CFDP1: variants seen among roughly 807,000 people sequenced by gnomAD.
The protein encoded by CFDP1 is chromatin remodeling protein CFDP1.
Under a neutral mutation model 40.1 loss-of-function variants are expected in CFDP1, and 31 were observed. The ratio of observed to expected loss-of-function variants is 0.77; its 90% CI spans 0.58 to 1.04. The LOEUF (loss-of-function observed/expected upper bound fraction) is 1.04, where lower values mean the gene tolerates loss of function less well. Among genes scored for constraint, CFDP1 ranks in the 50% least tolerant of loss-of-function variants. CFDP1 has a pLI of 0.00. For synonymous variants in CFDP1, 167 were observed against 120.0 expected, an observed-to-expected ratio of 1.39 and a Z score of -2.56; for missense variants, 423 against 343.4, an observed-to-expected ratio of 1.23 and a Z score of -1.83.
At chr16:75,393,686 G>A (rs2078971148) in intron 5 of CFDP1, among the ~76,000 whole-genome samples, 1 of 141,376 alleles carries the variant, frequency 7.1e-6, no homozygotes, top group African/African-American at 2.7e-5. Context: ...AGCCGAGATT[G>A]CGCCACTGCA....
chr16:75,410,934 A>G (rs1405975205), intron 4 of CFDP1, among the ~76,000 whole-genome samples: 3 of 150,476 alleles, frequency 2.0e-5, no homozygotes, highest in African/African-American at 7.3e-5. Flanking sequence ...AAAGAAAAAA[A>G]AAGGCCAGGA....
rs1326201318 is a variant in CFDP1 at position 75,411,961 on chromosome 16, A to G, written c.403-9T>C. On this transcript the variant is annotated splice_polypyrimidine_tract_variant and intron_variant, in intron 3 of 6. Transcript: ENST00000283882. ...TCAGTCTCCTCTCCTTTCTATAAAA[A>G]AAACAAGAAATGTAATGTTTCACCA... is the stretch of plus-strand genomic sequence containing the variant. 1.3e-6 allele frequency: 2 copies of G among 1,582,980 alleles called. No individual in the cohort carries two copies. Among genetic ancestry groups the G allele is most frequent in the Non-Finnish European group, 1.7e-6 (2 of 1,172,702 alleles).
At chr16:75,394,054 C>CA (rs1050667415) in intron 5 of CFDP1, among the ~76,000 whole-genome samples, 39 of 147,740 alleles carry the variant, frequency 2.6e-4, no homozygotes, top group East Asian at 5.9e-4. Flanking sequence ...GACTCCACCT[C>CA]AAAAAAAAAA....
chr16:75,297,195 T>TGTGTGTGTGTGTGTGTGTGTGTGTGTG (rs1491320265), intron 6 of CFDP1, among the ~76,000 whole-genome samples: 2 of 150,028 alleles, frequency 1.3e-5, no homozygotes, highest in East Asian at 2.0e-4. Context: ...TGTGTGTGTG[T>TGTGTGTGTGTGTGTGTGTGTGTGTGTG]TTTTAGTAGA....
intron 5 of CFDP1, among the ~76,000 whole-genome samples, chr16:75,307,551 T>C (rs1292058993): frequency 6.6e-6 from 1 of 152,110 alleles, no homozygotes; most frequent in Non-Finnish European, 1.5e-5. Flanking sequence ...ATAATTAAAA[T>C]AAATTTTTAT....
intron 5 of CFDP1, among the ~76,000 whole-genome samples, chr16:75,384,509 G>C (rs947070064): frequency 1.3e-5 from 2 of 152,078 alleles, no homozygotes; most frequent in Non-Finnish European, 2.9e-5. Context: ...CATAATACTG[G>C]CATGACTTCA....
chr16:75,330,466 G>A (rs1168048629), intron 5 of CFDP1, among the ~76,000 whole-genome samples: 1 of 152,194 alleles, frequency 6.6e-6, no homozygotes, highest in Admixed American at 6.5e-5. Context: ...GCGCATGCCT[G>A]TAATCCCAGT....
At chr16:75,405,012 C>A (rs1042636385) in intron 4 of CFDP1, among the ~76,000 whole-genome samples, 1 of 152,144 alleles carries the variant, frequency 6.6e-6, no homozygotes, top group African/African-American at 2.4e-5. Flanking sequence ...TGCAAAACTA[C>A]CTGTTATTGG....
chr16:75,345,450 C>CT (rs1338229929), intron 5 of CFDP1, among the ~76,000 whole-genome samples: 1 of 151,978 alleles, frequency 6.6e-6, no homozygotes, highest in African/African-American at 2.4e-5. Context: ...GAGTGAGACT[C>CT]TGTCTCAAAA....
intron 6 of CFDP1, among the ~76,000 whole-genome samples, chr16:75,298,278 C>T (rs75363348): frequency 0.015 from 2,351 of 152,248 alleles, 56 homozygotes; most frequent in African/African-American, 0.053. Context: ...GATATTCAAC[C>T]TGTATCTGGG....
chr16:75,379,153 A>C (rs1463265330), intron 5 of CFDP1, among the ~76,000 whole-genome samples: 1 of 151,964 alleles, frequency 6.6e-6, no homozygotes. Flanking sequence ...TCAAATCAAT[A>C]ATCTAAGCTC....
At chr16:75,402,521 A>C (rs974970267) in intron 4 of CFDP1, among the ~76,000 whole-genome samples, 5 of 152,222 alleles carry the variant, frequency 3.3e-5, no homozygotes, top group African/African-American at 1.2e-4. Flanking sequence ...ATCAAAGCCC[A>C]AAATTTAACA....
intron 6 of CFDP1, among the ~76,000 whole-genome samples, chr16:75,304,280 C>T (rs1260157713): frequency 6.6e-6 from 1 of 152,112 alleles, no homozygotes; most frequent in Non-Finnish European, 1.5e-5. Context: ...GTTGGCTAGG[C>T]TGGTCTCGAA....
chr16:75,363,794 A>C (rs2078695534), intron 5 of CFDP1, among the ~76,000 whole-genome samples: 1 of 152,208 alleles, frequency 6.6e-6, no homozygotes, highest in African/African-American at 2.4e-5. Flanking sequence ...AATTGATAGG[A>C]GTTTCCCAAA....
chr16:75,417,772 A>T (rs985049477), intron 1 of CFDP1, among the ~76,000 whole-genome samples: 4 of 152,188 alleles, frequency 2.6e-5, no homozygotes, highest in Non-Finnish European at 4.4e-5. Context: ...GGACTTTAAA[A>T]ACAGTATTCT....
chr16:75,327,636 C>T (rs1290867786), intron 5 of CFDP1, among the ~76,000 whole-genome samples: 1 of 152,058 alleles, frequency 6.6e-6, no homozygotes, highest in East Asian at 1.9e-4. Context: ...ATCAAATATA[C>T]ACACATATAC....
chr16:75,305,630 C>T (rs1052292130), intron 5 of CFDP1, among the ~76,000 whole-genome samples: 2 of 152,124 alleles, frequency 1.3e-5, no homozygotes, highest in Admixed American at 6.5e-5. Context: ...GTATCTTACA[C>T]GTAAAGGGCT....
At chr16:75,303,232 G>GGCGC (rs2078233255) in intron 6 of CFDP1, among the ~76,000 whole-genome samples, 1 of 150,936 alleles carries the variant, frequency 6.6e-6, no homozygotes, top group Non-Finnish European at 1.5e-5. Context: ...TGGGCGTGTA[G>GGCGC]GCGCGCGCCT....
chr16:75,300,183 G>T (rs767600378), intron 6 of CFDP1, among the ~76,000 whole-genome samples: 1 of 152,242 alleles, frequency 6.6e-6, no homozygotes, highest in African/African-American at 2.4e-5. Flanking sequence ...TGGGGTGGTG[G>T]TAGTGGGGCT....
Sources: gnomAD v4.1 joint callset for allele counts (sites outside exome capture counted in the v4.1 genomes callset) on GRCh38, gnomAD v4.1.1 for gene constraint, MANE v1.5 for transcripts, NCBI Gene and HGNC (gene_info 2026-07-23, HGNC 2026-07-21) for gene names.